PEF1: variants seen among roughly 807,000 people sequenced by gnomAD.
The protein encoded by PEF1 is peflin.
PEF1 carries 17 observed loss-of-function variants against 32.0 expected under a neutral mutation model. That is an observed-to-expected ratio of 0.53 (90% CI 0.36 to 0.80). The LOEUF is 0.80. Among genes scored for constraint, PEF1 ranks in the 30% least tolerant of loss-of-function variants. The pLI is 0.00. For missense variants in PEF1, 362 were observed against 369.1 expected (o/e 0.98, Z 0.16); for synonymous variants, 130 against 139.8 (o/e 0.93, Z 0.50).
chr1:31,632,367 C>T (rs747694298), intron 4 of PEF1, 128 bp downstream of exon 4: 10 of 1,511,714 alleles, frequency 6.6e-6, no homozygotes, highest in Non-Finnish European at 9.2e-6. Context: ...CAGGCCTGCA[C>T]TGAGAACAGC....
Position 31,635,542 on chromosome 1 carries a change from TCA to T in PEF1, c.25-22_25-21del, listed in dbSNP as rs1187604479. 1.3e-6 allele frequency: 2 copies of T among 1,505,810 alleles called. No homozygotes were observed. Among genetic ancestry groups the T allele is most frequent in the Non-Finnish European group, 1.8e-6 (2 of 1,127,838 alleles). 93.3% of individuals were successfully genotyped at this position (1,505,810 alleles called of 1,614,324 possible). The stretch of plus-strand genomic sequence containing the variant: ...GCAGCCCTGCAGGAAGAGCAAGATA[TCA>T]GTCAGAATGATGAGGCCAGAAACTA... On this transcript the variant is annotated intron_variant, in intron 1 of 4. Coordinates refer to ENST00000373703, the MANE Select transcript of PEF1 (RefSeq NM_012392.4).
At chr1:31,633,955 CA>C (rs397968805) in intron 2 of PEF1, among the ~76,000 whole-genome samples, 113 of 103,824 alleles carry the variant, frequency 1.1e-3, no homozygotes, top group Admixed American at 1.4e-3. Context: ...AACTCCATCT[CA>C]AAAAAAAAAA....
chr1:31,633,043 T>C, intron 3 of PEF1, 116 bp downstream of exon 3: 1 of 1,259,188 alleles, frequency 7.9e-7, no homozygotes. Flanking sequence ...CTCCCCACAG[T>C]CCTCCCTGGT....
intron 2 of PEF1, chr1:31,634,998 A>G: frequency 1.4e-6 from 1 of 703,430 alleles, no homozygotes; most frequent in Non-Finnish European, 2.6e-6. Flanking sequence ...ACAGCTGCTG[A>G]CATGTAAGCA....
chr1:31,634,863 T>C (rs956849388), intron 2 of PEF1: 1 of 476,100 alleles, frequency 2.1e-6, no homozygotes, highest in African/African-American at 2.0e-5. Flanking sequence ...GCATTGTGCA[T>C]TCTTGCTAGC....
intron 4 of PEF1, among the ~76,000 whole-genome samples, chr1:31,631,489 A>G (rs928685600): frequency 6.6e-6 from 1 of 152,040 alleles, no homozygotes; most frequent in African/African-American, 2.4e-5. Flanking sequence ...TCTGTTCAGA[A>G]CTTACCAGGC....
At chr1:31,639,274 A>G (rs1640333872) in intron 1 of PEF1, among the ~76,000 whole-genome samples, 1 of 152,184 alleles carries the variant, frequency 6.6e-6, no homozygotes, top group African/African-American at 2.4e-5. Context: ...CAGGCCCTCT[A>G]TACACTCGTT....
rs199700612 is a variant in PEF1, at chr1:31,630,611, G to A, written c.*2C>T. 1.9e-6 allele frequency: 3 copies of A among 1,611,980 alleles called. No individual in the cohort carries two copies. The highest frequency in any genetic ancestry group is 1.7e-5 in the Admixed American group (1 of 60,000). The stretch of plus-strand genomic sequence containing the variant: ...GCACTCCACTCTCCACAGATGGTTG[G>A]GTCATAGCATCCGAGAAGCTGTCAT... On this transcript the variant is annotated 3_prime_UTR_variant, in exon 5 of 5. Transcript: ENST00000373703.
chr1:31,640,813 C>T (rs1640373735), intron 1 of PEF1, among the ~76,000 whole-genome samples: 1 of 151,980 alleles, frequency 6.6e-6, no homozygotes. Context: ...ACCTCAAGAC[C>T]CCTGTGAAGC....
At chr1:31,632,359 G>T in intron 4 of PEF1, 136 bp downstream of exon 4, 1 of 1,437,400 alleles carries the variant, frequency 7.0e-7, no homozygotes. Context: ...GAGGGATGCA[G>T]GCCTGCACTG....
Position 31,644,865 on chromosome 1 carries a change from G to T in PEF1, c.-1C>A, listed in dbSNP as rs55959462. On this transcript the variant is annotated 5_prime_UTR_variant, in exon 1 of 5. Coordinates refer to ENST00000373703, the MANE Select transcript of PEF1 (RefSeq NM_012392.4). ...CCTGCCGGTAAGGATAGCTGGCCAT[G>T]GTGATTCTGACGTCACACTCAGGCA... is the stretch of plus-strand genomic sequence containing the variant. The T allele has an allele frequency of 1.7e-5, 27 of 1,613,812 alleles. No individual in the cohort carries two copies. Among genetic ancestry groups the T allele is most frequent in the Middle Eastern group, 3.3e-4 (2 of 6,062 alleles).
chr1:31,643,790 T>TCCC (rs1557590909), intron 1 of PEF1, among the ~76,000 whole-genome samples: 1 of 152,264 alleles, frequency 6.6e-6, no homozygotes, highest in Non-Finnish European at 1.5e-5. Context: ...ATTTCGTTTA[T>TCCC]GGATTTCATC....
intron 1 of PEF1, among the ~76,000 whole-genome samples, chr1:31,642,026 GT>G (rs1640403257): frequency 1.3e-5 from 2 of 152,242 alleles, no homozygotes; most frequent in Admixed American, 1.3e-4. Context: ...GAGGTTAGGA[GT>G]TTGAGACCAG....
intron 1 of PEF1, among the ~76,000 whole-genome samples, chr1:31,635,806 G>A (rs1640239623): frequency 6.6e-6 from 1 of 152,182 alleles, no homozygotes; most frequent in African/African-American, 2.4e-5. Context: ...CTAGGATCCT[G>A]TCTGGTTTGT....
At chr1:31,638,786 T>C (rs1247745151) in intron 1 of PEF1, among the ~76,000 whole-genome samples, 1 of 152,244 alleles carries the variant, frequency 6.6e-6, no homozygotes, top group Non-Finnish European at 1.5e-5. Flanking sequence ...AAGATGTTAG[T>C]TGCCCTCTTT....
chr1:31,644,618 C>T (rs1042435816), intron 1 of PEF1: 2 of 1,440,442 alleles, frequency 1.4e-6, no homozygotes, highest in African/African-American at 1.4e-5. Flanking sequence ...CTCGAGTGAG[C>T]GACGTCAAGG....
rs759237351 is a variant in PEF1, at chr1:31,630,598, C to T, written c.*15G>A. 6.2e-7 allele frequency: 1 copy of T among 1,610,984 alleles called. No individual in the cohort carries two copies. Among genetic ancestry groups the T allele is most frequent in the Non-Finnish European group, 8.5e-7 (1 of 1,179,042 alleles). On this transcript the variant is annotated 3_prime_UTR_variant, in exon 5 of 5. Coordinates refer to ENST00000373703, the MANE Select transcript of PEF1 (RefSeq NM_012392.4). ...AAAGGTCCCTGGTGCACTCCACTCT[C>T]CACAGATGGTTGGGTCATAGCATCC... is the stretch of plus-strand genomic sequence containing the variant.
At chr1:31,641,459 C>T (rs1350015701) in intron 1 of PEF1, among the ~76,000 whole-genome samples, 1 of 152,180 alleles carries the variant, frequency 6.6e-6, no homozygotes, top group African/African-American at 2.4e-5. Context: ...GATGAAGTCA[C>T]ACTCCCCAAA....
At chr1:31,631,759 G>A (rs1414622029) in intron 4 of PEF1, among the ~76,000 whole-genome samples, 1 of 152,196 alleles carries the variant, frequency 6.6e-6, no homozygotes, top group East Asian at 1.9e-4. Flanking sequence ...AAGAGTAGGT[G>A]ATTACTATAG....
Sources: allele counts gnomAD v4.1 joint callset (sites outside exome capture counted in the v4.1 genomes callset), GRCh38; gene constraint gnomAD v4.1.1; transcripts MANE v1.5; gene names NCBI Gene and HGNC (gene_info 2026-07-23, HGNC 2026-07-21).